The following SMIM17 variants were observed in gnomAD, a reference collection of about 807,000 sequenced individuals.
SMIM17 encodes small integral membrane protein 17.
A neutral mutation model predicts 12.2 loss-of-function variants in SMIM17; 10 were observed. That is an observed-to-expected ratio of 0.82 (90% confidence interval 0.50 to 1.39). SMIM17 has a LOEUF of 1.39. Ranked by LOEUF, SMIM17 falls within the 40% of genes most tolerant of loss-of-function variation. The pLI is 0.00. For synonymous variants in SMIM17, 50 were observed against 44.1 expected, an observed-to-expected ratio of 1.13 and a Z score of -0.53; for missense variants, 136 against 118.2, an observed-to-expected ratio of 1.15 and a Z score of -0.70.
chr19:56,649,562 A>C (rs1226237321), intron 3 of SMIM17, among the ~76,000 whole-genome samples: 1 of 152,188 alleles, frequency 6.6e-6, no homozygotes, highest in Non-Finnish European at 1.5e-5. Flanking sequence ...AAGCTTGTCT[A>C]GGAAAGTCCC....
At chr19:56,645,900 G>C (rs1241079782) in intron 2 of SMIM17, 64 bp downstream of exon 2, 2 of 1,448,482 alleles carry the variant, frequency 1.4e-6, no homozygotes, top group East Asian at 2.5e-5. Flanking sequence ...AGAGCCTAGG[G>C]AAAGACTAAA....
At chr19:56,647,776 T>A (rs1600617280) in intron 3 of SMIM17, 142 bp downstream of exon 3, 1 of 705,234 alleles carries the variant, frequency 1.4e-6, no homozygotes, top group East Asian at 2.7e-5. Flanking sequence ...TCTATGGTGA[T>A]CAGACACAGA....
At chr19:56,644,137 C>T (rs1385543192) in intron 1 of SMIM17, among the ~76,000 whole-genome samples, 1 of 152,084 alleles carries the variant, frequency 6.6e-6, no homozygotes, top group Admixed American at 6.5e-5. Context: ...CGCTTGCCTG[C>T]ATTTTCTCCT....
At chr19:56,652,392 C>T (rs1263726837) in intron 3 of SMIM17, among the ~76,000 whole-genome samples, 3 of 152,010 alleles carry the variant, frequency 2.0e-5, no homozygotes, top group African/African-American at 2.4e-5. Context: ...CAGTGGCTCA[C>T]GCCCGTAATC....
chr19:56,652,283 G>A (rs1243554592), intron 3 of SMIM17, among the ~76,000 whole-genome samples: 2 of 152,060 alleles, frequency 1.3e-5, no homozygotes, highest in African/African-American at 4.8e-5. Context: ...AGGAGAGGGA[G>A]CCAGGCAAAT....
At chr19:56,651,045 G>A (rs890931921) in intron 3 of SMIM17, among the ~76,000 whole-genome samples, 1 of 152,170 alleles carries the variant, frequency 6.6e-6, no homozygotes, top group Non-Finnish European at 1.5e-5. Context: ...CCTTCCTGCA[G>A]ACAACCACCC....
At chr19:56,646,982 C>A (rs1040611630) in intron 2 of SMIM17, among the ~76,000 whole-genome samples, 1 of 152,128 alleles carries the variant, frequency 6.6e-6, no homozygotes, top group Non-Finnish European at 1.5e-5. Flanking sequence ...AGGCTTGGAG[C>A]TCCTGGCTGG....
chr19:56,648,428 T>A (rs1047536866), intron 3 of SMIM17, among the ~76,000 whole-genome samples: 2 of 152,152 alleles, frequency 1.3e-5, no homozygotes, highest in Non-Finnish European at 2.9e-5. Context: ...CATCCATCCA[T>A]ATATCCAGTT....
rs61749984 is a variant in SMIM17, at chr19:56,645,772, C to G, written c.105C>G (p.Pro35=). ...GGGCCTGGGAGAAGCCTCCTCATCC[C>G]GCCTGCACCAAAGACTGGGAGGCTG... The part of the protein sequence containing the change: ...ESRAWEKPPH[P]ACTKDWEAVE... The change falls in exon 2 of 4, where the codon CCC becomes CCG. Residue 35 remains proline (P), a synonymous_variant. Transcript: ENST00000598409. 6.5e-7 allele frequency: 1 copy of G among 1,535,786 alleles called. No homozygotes were observed. Among genetic ancestry groups the G allele is most frequent in the African/African-American group, 1.4e-5 (1 of 73,020 alleles).
At chr19:56,643,811 C>A (rs951634315) in intron 1 of SMIM17, among the ~76,000 whole-genome samples, 3 of 152,178 alleles carry the variant, frequency 2.0e-5, no homozygotes, top group Non-Finnish European at 4.4e-5. Flanking sequence ...AGTATGGCCA[C>A]CTTTATGTGA....
chr19:56,645,741 A>G lies in SMIM17; in HGVS notation c.74A>G (p.Glu25Gly), dbSNP rs2045057681. Residue 25 changes from glutamate to glycine, a missense_variant, in exon 2 of 4, where the codon GAG (glutamate) becomes GGG (glycine). Glu to Gly is a moderately conservative substitution (Grantham distance 98). Coordinates refer to ENST00000598409, the MANE Select transcript of SMIM17 (RefSeq NM_001193628.2). ...AGGACCAAGACTCTGCTGCCTCGGG[A>G]GAGCCGGGCCTGGGAGAAGCCTCCT... is the stretch of plus-strand genomic sequence containing the variant. The part of the protein sequence containing the change: ...PERTKTLLPR[E>G]SRAWEKPPHP... 2.0e-6 allele frequency: 3 copies of G among 1,535,854 alleles called. No individual in the cohort carries two copies. The highest frequency in any genetic ancestry group is 1.7e-6 in the Non-Finnish European group (2 of 1,146,818).
intron 3 of SMIM17, among the ~76,000 whole-genome samples, chr19:56,651,942 A>G (rs2148043506): frequency 6.6e-6 from 1 of 151,916 alleles, no homozygotes; most frequent in South Asian, 2.1e-4. Context: ...CATTTCTACT[A>G]AAAATACAAA....
chr19:56,647,115 G>C (rs1024263234), intron 2 of SMIM17, among the ~76,000 whole-genome samples: 1 of 152,106 alleles, frequency 6.6e-6, no homozygotes, highest in East Asian at 1.9e-4. Flanking sequence ...TTCTTTGGAA[G>C]CTGGGGAAGC....
rs371351699 is a variant in SMIM17, at chr19:56,657,132, C to T, written c.*1919C>T. Among the ~76,000 whole-genome samples, 1 of 151,994 alleles carries T rather than the reference C, an allele frequency of 6.6e-6. No homozygotes were observed. The highest frequency in any genetic ancestry group is 2.4e-5 in the African/African-American group (1 of 41,350). On this transcript the variant is annotated 3_prime_UTR_variant, in exon 4 of 4. Coordinates refer to ENST00000598409, the MANE Select transcript of SMIM17 (RefSeq NM_001193628.2). The stretch of plus-strand genomic sequence containing the variant: ...TTATGTACTCAACAGCTGTGTAATT[C>T]GAGGCATATAAGTGCAGCATTGTTA...
At chr19:56,649,487 G>A (rs915507832) in intron 3 of SMIM17, among the ~76,000 whole-genome samples, 2 of 152,176 alleles carry the variant, frequency 1.3e-5, no homozygotes, top group African/African-American at 2.4e-5. Context: ...TAACTGCTAT[G>A]GAGAAAAATG....
chr19:56,650,880 C>T (rs2045103967), intron 3 of SMIM17, among the ~76,000 whole-genome samples: 1 of 152,188 alleles, frequency 6.6e-6, no homozygotes, highest in East Asian at 1.9e-4. Flanking sequence ...AGACATGCTG[C>T]TTGGGAGAGG....
intron 3 of SMIM17, among the ~76,000 whole-genome samples, chr19:56,648,153 TCCATCCATCCATCC>T: frequency 6.8e-6 from 1 of 146,956 alleles, no homozygotes; most frequent in East Asian, 2.1e-4. Flanking sequence ...CATCCATCCA[TCCATCCATCCATCC>T]ATCCATCCAT....
At chr19:56,647,681 G>T in intron 3 of SMIM17, 47 bp downstream of exon 3, 1 of 1,463,386 alleles carries the variant, frequency 6.8e-7, no homozygotes, top group Non-Finnish European at 9.2e-7. Flanking sequence ...CCACTCTGTA[G>T]ATCTCAGCAC....
At chr19:56,649,325 G>C (rs2045091618) in intron 3 of SMIM17, among the ~76,000 whole-genome samples, 1 of 152,188 alleles carries the variant, frequency 6.6e-6, no homozygotes, top group East Asian at 1.9e-4. Flanking sequence ...TCTATTTCTT[G>C]AGCACCTGCT....
Sources: allele counts gnomAD v4.1 joint callset (sites outside exome capture counted in the v4.1 genomes callset), GRCh38; gene constraint gnomAD v4.1.1; transcripts MANE v1.5; gene names NCBI Gene and HGNC (gene_info 2026-07-23, HGNC 2026-07-21).